The following ARMC2 variants were observed in gnomAD, a reference collection of about 807,000 sequenced individuals.
ARMC2 encodes the protein armadillo repeat containing 2, also known as armadillo repeat-containing protein 2.
In ARMC2, 67 loss-of-function variants were observed where a neutral mutation model predicts 90.3. That is an observed-to-expected ratio of 0.74 (90% confidence interval 0.61 to 0.91). The LOEUF is 0.91. ARMC2 is among the 40% of genes least tolerant of loss of function. The probability of loss-of-function intolerance (pLI) is 0.00; values close to 1 mark genes in which losing one functional copy is unlikely to be tolerated. For synonymous variants in ARMC2, 393 were observed against 393.0 expected (o/e 1.00, Z 0.00); for missense variants, 920 against 1,030.9 (o/e 0.89, Z 1.47).
chr6:108,988,747 C>T, the ARMC2 span: 2 of 1,332,000 alleles, frequency 1.5e-6, no homozygotes, highest in East Asian at 2.5e-5. Context: ...TTTCATCTTA[C>T]AAAAGTATAC....
the ARMC2 span, among the ~76,000 whole-genome samples, chr6:109,052,540 C>T: frequency 6.6e-6 from 1 of 152,114 alleles, no homozygotes; most frequent in Admixed American, 6.5e-5. Flanking sequence ...TCAATGTTCA[C>T]TTAAAGTTTT....
chr6:108,983,221 A>T, the ARMC2 span, among the ~76,000 whole-genome samples: 1 of 152,202 alleles, frequency 6.6e-6, no homozygotes, highest in Non-Finnish European at 1.5e-5. Flanking sequence ...CTCCTATCCC[A>T]TAGGTTGCCT....
In ARMC2 at chr6:108,876,281, T is replaced by C. The variant is rs1414773379; in HGVS notation, c.602T>C (p.Phe201Ser). Residue 201 changes from phenylalanine (F) to serine (S), a missense_variant, in exon 5 of 18, where the codon TTC becomes TCC. By Grantham distance (155) the Phe-to-Ser change is radical. Transcript: ENST00000392644. ...CTTCAGCTAACTGATGATGGAGGCT[T>C]CAGTGAAATAAAGGAGCAAGAAATG... is the stretch of plus-strand genomic sequence containing the variant. ...HPLQLTDDGG[F>S]SEIKEQEMFK... The C allele has an allele frequency of 8.1e-6, 13 of 1,612,898 alleles. No homozygotes were observed. Among genetic ancestry groups the C allele is most frequent in the Non-Finnish European group, 1.1e-5 (13 of 1,179,604 alleles).
intron 11 of ARMC2, among the ~76,000 whole-genome samples, chr6:108,934,582 T>A (rs1444999174): frequency 6.6e-6 from 1 of 152,216 alleles, no homozygotes; most frequent in Non-Finnish European, 1.5e-5. Context: ...ATCGGCTTCT[T>A]GAAAAGTTTT....
At chr6:108,924,914 G>T (rs1009005065) in intron 10 of ARMC2, among the ~76,000 whole-genome samples, 1 of 152,186 alleles carries the variant, frequency 6.6e-6, no homozygotes, top group African/African-American at 2.4e-5. Flanking sequence ...ATGGAGAGAA[G>T]GGGTGAACGT....
chr6:108,965,813 T>TA (rs201504281), intron 17 of ARMC2, among the ~76,000 whole-genome samples: 20 of 149,706 alleles, frequency 1.3e-4, no homozygotes, highest in South Asian at 1.1e-3. Context: ...CCCAGATAAT[T>TA]AAAAAAAAAT....
the ARMC2 span, among the ~76,000 whole-genome samples, chr6:109,032,567 G>A: frequency 1.3e-5 from 2 of 150,874 alleles, no homozygotes; most frequent in African/African-American, 2.5e-5. Flanking sequence ...GCAATGAGCC[G>A]AGATTGGGCC....
chr6:109,019,493 C>A, the ARMC2 span, among the ~76,000 whole-genome samples: 2 of 152,314 alleles, frequency 1.3e-5, no homozygotes, highest in African/African-American at 4.8e-5. Flanking sequence ...CTCACCTTCA[C>A]AATGTAAATT....
At chr6:108,956,775 T>C (rs1199354151) in intron 13 of ARMC2, among the ~76,000 whole-genome samples, 1 of 152,066 alleles carries the variant, frequency 6.6e-6, no homozygotes, top group East Asian at 1.9e-4. Context: ...GCAGATCACT[T>C]GAGGTCAGGA....
At chr6:108,899,847 C>A (rs978749789) in intron 7 of ARMC2, 55 bp downstream of exon 7, 5 of 1,345,458 alleles carry the variant, frequency 3.7e-6, no homozygotes, top group Middle Eastern at 3.9e-4. Context: ...TTAAAAAATA[C>A]CTGTAGTTAT....
At chr6:109,019,765 A>G in the ARMC2 span, among the ~76,000 whole-genome samples, 1 of 152,228 alleles carries the variant, frequency 6.6e-6, no homozygotes, top group Non-Finnish European at 1.5e-5. Flanking sequence ...TTTTAGTATA[A>G]CAGGCAGGTT....
the ARMC2 span, among the ~76,000 whole-genome samples, chr6:109,040,121 G>A: frequency 1.3e-5 from 2 of 152,172 alleles, no homozygotes; most frequent in Non-Finnish European, 2.9e-5. Flanking sequence ...TCAGTCATGA[G>A]ATAAGAGATT....
downstream of ARMC2, among the ~76,000 whole-genome samples, chr6:108,979,055 A>G (rs181235964): frequency 6.6e-6 from 1 of 152,110 alleles, no homozygotes; most frequent in Non-Finnish European, 1.5e-5. Flanking sequence ...ATAGCTGGTT[A>G]TTTTGCCCGT....
chr6:108,870,489 AAGAAAGAAAGAG>A (rs977308939), intron 4 of ARMC2, among the ~76,000 whole-genome samples: 2 of 146,864 alleles, frequency 1.4e-5, no homozygotes, highest in Non-Finnish European at 3.0e-5. Flanking sequence ...AAAGGAGAAA[AAGAAAGAAAGAG>A]AGAGAGAAAG....
the ARMC2 span, among the ~76,000 whole-genome samples, chr6:109,044,186 C>G: frequency 6.6e-6 from 1 of 151,370 alleles, no homozygotes; most frequent in Admixed American, 6.6e-5. Flanking sequence ...ATAGTGGCAC[C>G]TGCCGGTGAT....
chr6:108,994,083 T>C, the ARMC2 span, among the ~76,000 whole-genome samples: 3 of 141,848 alleles, frequency 2.1e-5, no homozygotes, highest in African/African-American at 8.0e-5. Flanking sequence ...CAGGTTACAG[T>C]GAGCTACAAT....
chr6:108,997,008 A>G, the ARMC2 span, among the ~76,000 whole-genome samples: 1 of 152,200 alleles, frequency 6.6e-6, no homozygotes, highest in Non-Finnish European at 1.5e-5. Flanking sequence ...GAGAGTAAAG[A>G]AATGAATAAG....
chr6:108,916,886 CA>C (rs1367993052), intron 10 of ARMC2, among the ~76,000 whole-genome samples: 12 of 152,298 alleles, frequency 7.9e-5, no homozygotes, highest in Admixed American at 4.6e-4. Flanking sequence ...CTGTCTATGT[CA>C]CAATCACAAC....
rs1775506301 is a variant in ARMC2, at chr6:108,930,893, C to A, written c.1496+2660C>A. Among the ~76,000 whole-genome samples the A allele has an allele frequency of 6.0e-5, 9 of 150,706 alleles. No individual in the cohort carries two copies. The Admixed American group carries it at 6.0e-4, about 10-fold the overall frequency. On this transcript the variant is annotated intron_variant, in intron 11 of 17. Transcript: ENST00000392644. ...TACAGGCGTGAGCCACCGCACCCGG[C>A]CCCCACCCCCTTTTTTTTTTTTTTA...
Sources: gnomAD v4.1 joint callset for allele counts (sites outside exome capture counted in the v4.1 genomes callset) on GRCh38, gnomAD v4.1.1 for gene constraint, MANE v1.5 for transcripts, NCBI Gene and HGNC (gene_info 2026-07-23, HGNC 2026-07-21) for gene names.